The following STIL variants were observed in gnomAD, a reference collection of about 807,000 sequenced individuals.
The protein encoded by STIL is SCL-interrupting locus protein.
STIL carries 55 observed loss-of-function variants against 110.1 expected under a neutral mutation model. That is an observed-to-expected ratio of 0.50 (90% CI 0.40 to 0.63). The LOEUF (loss-of-function observed/expected upper bound fraction) is 0.63, where lower values mean the gene tolerates loss of function less well. Ranked by LOEUF, STIL falls within the 20% of genes least tolerant of loss-of-function variation. The probability of loss-of-function intolerance (pLI) is 0.00; values close to 1 mark genes in which losing one functional copy is unlikely to be tolerated. For synonymous variants in STIL, 481 were observed against 530.0 expected, an observed-to-expected ratio of 0.91 and a Z score of 1.27; for missense variants, 1,358 against 1,530.0, an observed-to-expected ratio of 0.89 and a Z score of 1.87.
intron 13 of STIL, 143 bp from the exon 14 acceptor site, chr1:47,270,009 G>T: frequency 1.3e-6 from 1 of 769,612 alleles, no homozygotes. Context: ...GGCAGAGGCG[G>T]GAGGATCACT....
chr1:47,302,158 T>C, intron 4 of STIL, 76 bp downstream of exon 4: 1 of 1,057,906 alleles, frequency 9.5e-7, no homozygotes, highest in Non-Finnish European at 1.5e-6. Flanking sequence ...TAGGTTCAAG[T>C]GATCCTCCCA....
rs1645139485 is a variant in STIL at position 47,280,897 on chromosome 1, T to C, written c.1561A>G (p.Ser521Gly). ...CCATTATGAGAAGATGGTTTAATAC[T>C]GTTCCTGGTATGGGGGTTCCCTTTC... ...YKKGNPHTRN[S>G]IKPSSHNGPS... Residue 521 changes from serine (S) to glycine (G), a missense_variant, in exon 12 of 17, where the codon AGT becomes GGT. Coordinates refer to ENST00000371877, the MANE Select transcript of STIL (RefSeq NM_001048166.1). The C allele has an allele frequency of 1.2e-6, 2 of 1,614,234 alleles. No individual in the cohort carries two copies. Among genetic ancestry groups the C allele is most frequent in the Non-Finnish European group, 1.7e-6 (2 of 1,180,040 alleles).
Position 47,263,135 on chromosome 1 carries a change from G to A in STIL, c.2616-19C>T, listed in dbSNP as rs1030993669. 1 of 1,606,520 alleles carries A rather than the reference G, an allele frequency of 6.2e-7. No homozygotes were observed. Among genetic ancestry groups the A allele is most frequent in the Non-Finnish European group, 8.5e-7 (1 of 1,173,684 alleles). The stretch of plus-strand genomic sequence containing the variant: ...AGAGCTGCTGGGAAGGATATATAAT[G>A]TGTTAGTCATTGAGGTACCTTTAAC... On this transcript the variant is annotated intron_variant, in intron 14 of 16. Coordinates refer to ENST00000371877, the MANE Select transcript of STIL (RefSeq NM_001048166.1).
At chr1:47,270,241 A>T (rs12402260) in intron 13 of STIL, among the ~76,000 whole-genome samples, 14,214 of 118,344 alleles carry the variant, frequency 0.12, 1,280 homozygotes, top group African/African-American at 0.29. Flanking sequence ...AAAAAAAAAA[A>T]ATATATATAT....
At chr1:47,260,850 G>A (rs1473409140) in intron 15 of STIL, among the ~76,000 whole-genome samples, 2 of 152,106 alleles carry the variant, frequency 1.3e-5, no homozygotes, top group African/African-American at 2.4e-5. Flanking sequence ...GTGACAAAGT[G>A]AGACTCTGTC....
chr1:47,270,027 A>T (rs1319730910), intron 13 of STIL, among the ~76,000 whole-genome samples, 161 bp from the exon 14 acceptor site: 1 of 152,130 alleles, frequency 6.6e-6, no homozygotes, highest in Non-Finnish European at 1.5e-5. Flanking sequence ...ACTTGAGCTC[A>T]GGAGTTCGAG....
rs1644854211 is a variant in STIL, at chr1:47,271,986, C to A, written c.2383+90G>T. 3 of 1,420,386 alleles carry A rather than the reference C, an allele frequency of 2.1e-6. No homozygotes were observed. The South Asian group carries it at 3.7e-5, about 18-fold the overall frequency. The allele number at this position is 1,420,386 out of a possible 1,614,324, so 88.0% of individuals were successfully genotyped here. A position where few individuals can be genotyped will look rare whatever the true frequency, so the allele number is the denominator to read the frequency against. On this transcript the variant is annotated intron_variant, in intron 13 of 16. Transcript: ENST00000371877. ...CACCTTGGTTTTGGTCCTACTGCAC[C>A]ATGCACCAATTTGAACATAAAATTC...
chr1:47,302,399 A>AC (rs145761414), intron 3 of STIL, 53 bp from the exon 4 acceptor site: 70 of 1,244,036 alleles, frequency 5.6e-5, no homozygotes, highest in Admixed American at 3.4e-4. Context: ...TCTTAAAAAA[A>AC]CCTCCTGCCA....
chr1:47,297,231 A>C (rs76325409), intron 6 of STIL, among the ~76,000 whole-genome samples: 1,851 of 152,092 alleles, frequency 0.012, 35 homozygotes, highest in African/African-American at 0.042. Flanking sequence ...AATCCCAGCT[A>C]CTTGGGAGGC....
chr1:47,252,071 T>A, intron 16 of STIL, 149 bp from the exon 17 acceptor site: 4 of 843,280 alleles, frequency 4.7e-6, no homozygotes, highest in Non-Finnish European at 3.6e-6. Flanking sequence ...TAAGTCTTGA[T>A]GATCCAGATA....
intron 3 of STIL, among the ~76,000 whole-genome samples, chr1:47,304,628 C>G (rs1429018285): frequency 6.6e-6 from 1 of 152,194 alleles, no homozygotes; most frequent in South Asian, 2.1e-4. Context: ...ATAAAAAACA[C>G]TTTCAGTTTT....
At chr1:47,299,722 C>A in intron 6 of STIL, 183 bp downstream of exon 6, 1 of 684,872 alleles carries the variant, frequency 1.5e-6, no homozygotes, top group South Asian at 1.9e-5. Context: ...GGTGGTGGCA[C>A]AACTTAAAGA....
chr1:47,281,135 C>T lies in STIL; in HGVS notation c.1323G>A (p.Leu441=), dbSNP rs1466011697. ...TATTCACCATTTCCAATGGAGTAGG[C>T]AGAGGGTTTGATTCTATGAAATTGC... The part of the protein sequence containing the change: ...LDGNFIESNP[L]PTPLEMVNNE... The change falls in exon 12 of 17, where the codon CTG becomes CTA. Residue 441 remains leucine, a synonymous_variant. Transcript: ENST00000371877. 1 of 1,613,980 alleles carries T rather than the reference C, an allele frequency of 6.2e-7. No homozygotes were observed. The highest frequency in any genetic ancestry group is 8.5e-7 in the Non-Finnish European group (1 of 1,179,996).
intron 12 of STIL, among the ~76,000 whole-genome samples, chr1:47,276,147 G>A (rs758241818): frequency 1.3e-5 from 2 of 151,654 alleles, no homozygotes; most frequent in Non-Finnish European, 2.9e-5. Flanking sequence ...GATTACAGGC[G>A]CCCACTACCA....
At chr1:47,279,927 GTATA>G (rs1645109598) in intron 12 of STIL, among the ~76,000 whole-genome samples, 1 of 152,126 alleles carries the variant, frequency 6.6e-6, no homozygotes, top group African/African-American at 2.4e-5. Context: ...ATATTTAGCT[GTATA>G]TAAAGGCTTA....
chr1:47,257,496 G>A (rs892652181), intron 16 of STIL, among the ~76,000 whole-genome samples: 1 of 152,114 alleles, frequency 6.6e-6, no homozygotes, highest in Non-Finnish European at 1.5e-5. Flanking sequence ...GACAGAGCAA[G>A]ATCCTATTTT....
In STIL at chr1:47,280,518, C is replaced by T. The variant is rs1451425205; in HGVS notation, c.1940G>A (p.Gly647Glu). The change falls in exon 12 of 17, where the codon GGA becomes GAA. Residue 647 changes from glycine to glutamate, a missense_variant. By Grantham distance (98) the Gly-to-Glu change is moderately conservative. Transcript: ENST00000371877. ...LQKHSLFHPS[G>E]CPALYCNAFC... ...TGCATTACAGTACAGGGCTGGACATCCACTTGGGTGAAATAATGAATGCTT... is the reference window on the plus strand; with the variant it reads ...TGCATTACAGTACAGGGCTGGACATTCACTTGGGTGAAATAATGAATGCTT... 1 of 1,614,236 alleles carries T rather than the reference C, an allele frequency of 6.2e-7. No homozygotes were observed.
At chr1:47,292,917 A>G (rs1445710093) in intron 8 of STIL, among the ~76,000 whole-genome samples, 1 of 152,208 alleles carries the variant, frequency 6.6e-6, no homozygotes, top group African/African-American at 2.4e-5. Context: ...TAGATAAAGA[A>G]GGTGAGAGAC....
chr1:47,282,441 A>T lies in STIL; in HGVS notation c.1152T>A (p.Ser384=). The T allele has an allele frequency of 6.2e-7, 1 of 1,612,720 alleles. No homozygotes were observed. The highest frequency in any genetic ancestry group is 8.5e-7 in the Non-Finnish European group (1 of 1,179,470). ...GATCATGTATTGGCATCTTCCCAGA[A>T]GATAACTTTTGGGAAGACCTAAAGA... The part of the protein sequence containing the change: ...FSIKRSSQKL[S]SGKMPIHDHD... Residue 384 remains serine (S), a synonymous_variant, in exon 11 of 17, where the codon TCT becomes TCA. Transcript: ENST00000371877.
Sources: gnomAD v4.1 joint callset for allele counts (sites outside exome capture counted in the v4.1 genomes callset) on GRCh38, gnomAD v4.1.1 for gene constraint, MANE v1.5 for transcripts, NCBI Gene and HGNC (gene_info 2026-07-23, HGNC 2026-07-21) for gene names.